The following USP9X variants were observed in gnomAD, a reference collection of about 807,000 sequenced individuals.
USP9X encodes ubiquitin carboxyl-terminal hydrolase 9X.
A neutral mutation model predicts 190.3 loss-of-function variants in USP9X; 7 were observed. That is an observed-to-expected ratio of 0.04 (90% CI 0.02 to 0.07). The LOEUF is 0.07. Among genes scored for constraint, USP9X ranks in the 10% least tolerant of loss-of-function variants. The pLI is 1.00. For synonymous variants in USP9X, 645 were observed against 659.5 expected, an observed-to-expected ratio of 0.98 and a Z score of 0.34; for missense variants, 1,010 against 1,916.9, an observed-to-expected ratio of 0.53 and a Z score of 8.83.
intron 31 of USP9X, among the ~76,000 whole-genome samples, chrX:41,204,409 C>T (rs1044514060): frequency 1.1e-4 from 8 of 71,366 alleles, no homozygotes; most frequent in Non-Finnish European, 2.3e-4. Context: ...AGCTTTTGCC[C>T]TATGTTTTTT....
intron 2 of USP9X, among the ~76,000 whole-genome samples, chrX:41,124,684 CA>C (rs2062221283): frequency 9.0e-6 from 1 of 111,581 alleles, no homozygotes; most frequent in African/African-American, 3.3e-5. Context: ...TAAATACATA[CA>C]ATTGTAAATT....
At chrX:41,166,713 C>A (rs59421222) in intron 16 of USP9X, among the ~76,000 whole-genome samples, 14,888 of 111,396 alleles carry the variant, frequency 0.13, 903 homozygotes, top group East Asian at 0.22. Flanking sequence ...TAGTACTACT[C>A]TATTATGCCT....
chrX:41,223,902 T>TTC (rs2147263850), intron 39 of USP9X, among the ~76,000 whole-genome samples: 1 of 112,223 alleles, frequency 8.9e-6, no homozygotes, highest in East Asian at 2.8e-4. Flanking sequence ...TATGAAATAG[T>TTC]TTAAGAATTA....
At chrX:41,087,764 A>AT (rs1312034996) in intron 1 of USP9X, among the ~76,000 whole-genome samples, 2 of 111,489 alleles carry the variant, frequency 1.8e-5, no homozygotes, top group African/African-American at 3.3e-5. Flanking sequence ...CTTTTCTTGT[A>AT]TTTTTTTGCA....
chrX:41,154,371 A>G (rs2062557863), intron 14 of USP9X, among the ~76,000 whole-genome samples: 1 of 111,929 alleles, frequency 8.9e-6, no homozygotes, highest in South Asian at 3.7e-4. Context: ...GTATATTATG[A>G]TTATAATCTC....
At chrX:41,158,813 T>C (rs1293654523) in intron 14 of USP9X, among the ~76,000 whole-genome samples, 4 of 111,328 alleles carry the variant, frequency 3.6e-5, no homozygotes, top group Non-Finnish European at 7.5e-5. Context: ...GAATACTCCA[T>C]CCAACAATAG....
At chrX:41,196,112 T>G in intron 26 of USP9X, 139 bp from the exon 27 acceptor site, 1 of 661,958 alleles carries the variant, frequency 1.5e-6, no homozygotes, top group Non-Finnish European at 2.4e-6. Flanking sequence ...TGTGTGTAGG[T>G]AGGGTAATCC....
intron 1 of USP9X, among the ~76,000 whole-genome samples, chrX:41,107,319 C>T (rs1000903590): frequency 1.5e-4 from 17 of 112,409 alleles, no homozygotes; most frequent in African/African-American, 5.2e-4. Flanking sequence ...GCGCTTGGCA[C>T]GATAGTTTTA....
At chrX:41,222,937 T>C (rs2063277808) in intron 38 of USP9X, among the ~76,000 whole-genome samples, 1 of 111,641 alleles carries the variant, frequency 9.0e-6, no homozygotes, top group South Asian at 3.7e-4. Flanking sequence ...TCATCTTCCT[T>C]ACAGTGAGCC....
At chrX:41,125,678 A>ACCCT (rs1353372304) in intron 2 of USP9X, among the ~76,000 whole-genome samples, 2 of 33,885 alleles carry the variant, frequency 5.9e-5, no homozygotes, top group African/African-American at 1.2e-4. Flanking sequence ...ACACACACAC[A>ACCCT]CACACACTCT....
Position 41,167,505 on chromosome X carries a change from T to C in USP9X, c.2352T>C (p.Asp784=). 1 of 1,207,522 alleles carries C rather than the reference T, an allele frequency of 8.3e-7. No homozygotes were observed. Among genetic ancestry groups the C allele is most frequent in the Non-Finnish European group, 1.1e-6 (1 of 892,902 alleles). ...LWRVVIQSND[D]IASRAIDLLK... Reference sequence around the variant, plus strand: ...AGGTCGTGATTCAGAGTAATGATGATATTGCCAGCAGAGCTATAGATCTCC... The same window carrying C: ...AGGTCGTGATTCAGAGTAATGATGACATTGCCAGCAGAGCTATAGATCTCC... The change falls in exon 17 of 45, where the codon GAT becomes GAC. Residue 784 remains aspartate, a synonymous_variant. Transcript: ENST00000378308.
chrX:41,179,601 G>A (rs2062808648), intron 21 of USP9X, among the ~76,000 whole-genome samples: 1 of 111,793 alleles, frequency 8.9e-6, no homozygotes, highest in African/African-American at 3.3e-5. Flanking sequence ...TTTGTATCCT[G>A]CAGTTAACTA....
chrX:41,164,841 C>T (rs1409836382), intron 15 of USP9X, among the ~76,000 whole-genome samples: 1 of 111,894 alleles, frequency 8.9e-6, no homozygotes. Flanking sequence ...GTTTTTCAAA[C>T]TTACGTAGGA....
At chrX:41,184,248 T>A in intron 22 of USP9X, 120 bp downstream of exon 22, 1 of 999,976 alleles carries the variant, frequency 1.0e-6, no homozygotes, top group Non-Finnish European at 1.3e-6. Context: ...AAAATTGTAA[T>A]GAAGTAGTTT....
Position 41,229,289 on chromosome X carries a change from A to T in USP9X, c.7098A>T (p.Arg2366=). Residue 2366 remains arginine (R), a synonymous_variant, in exon 42 of 45, where the codon CGA becomes CGT. Transcript: ENST00000378308. ...HNALKGIPDD[R]DGLFDTIQRS... ...CACTGAAAGGAATTCCAGATGACCG[A>T]GATGGGCTGTTTGACACAATCCAGC... 1 of 1,195,413 alleles carries T rather than the reference A, an allele frequency of 8.4e-7. No homozygotes were observed. The highest frequency in any genetic ancestry group is 1.1e-6 in the Non-Finnish European group (1 of 889,066).
At chrX:41,120,872 T>G (rs1171722685) in intron 1 of USP9X, among the ~76,000 whole-genome samples, 5 of 104,770 alleles carry the variant, frequency 4.8e-5, no homozygotes, top group African/African-American at 1.4e-4. Flanking sequence ...AGGGTCTCGC[T>G]GTGTTGCCCA....
chrX:41,097,087 A>G (rs1189163770), intron 1 of USP9X, among the ~76,000 whole-genome samples: 4 of 111,601 alleles, frequency 3.6e-5, no homozygotes, highest in African/African-American at 1.3e-4. Flanking sequence ...CTGTGGGTTA[A>G]TTGTGCTTGG....
intron 1 of USP9X, among the ~76,000 whole-genome samples, chrX:41,104,595 T>G (rs1472576773): frequency 1.8e-5 from 2 of 111,364 alleles, no homozygotes; most frequent in African/African-American, 6.5e-5. Context: ...GTCTAGAGAT[T>G]ATATTTATAG....
intron 1 of USP9X, among the ~76,000 whole-genome samples, chrX:41,109,933 T>C (rs190303131): frequency 8.9e-6 from 1 of 111,956 alleles, no homozygotes; most frequent in East Asian, 2.8e-4. Context: ...AGGCCACATT[T>C]TAAAATAACT....
Sources: gnomAD v4.1 joint callset for allele counts (sites outside exome capture counted in the v4.1 genomes callset) on GRCh38, gnomAD v4.1.1 for gene constraint, MANE v1.5 for transcripts, NCBI Gene and HGNC (gene_info 2026-07-23, HGNC 2026-07-21) for gene names.